Variants in NR3C2 observed in about 807,000 individuals in gnomAD.
The protein encoded by NR3C2 is nuclear receptor subfamily 3 group C member 2.
A neutral mutation model predicts 86.4 loss-of-function variants in NR3C2; 15 were observed. That is an observed-to-expected ratio of 0.17 (90% CI 0.12 to 0.27). The LOEUF (loss-of-function observed/expected upper bound fraction) is 0.27, where lower values mean the gene tolerates loss of function less well. Among genes scored for constraint, NR3C2 ranks in the 10% least tolerant of loss-of-function variants. The probability of loss-of-function intolerance (pLI) is 1.00; values close to 1 mark genes in which losing one functional copy is unlikely to be tolerated. For missense variants in NR3C2, 960 were observed against 1,195.6 expected (o/e 0.80, Z 2.91); for synonymous variants, 458 against 450.5 (o/e 1.02, Z -0.21).
At chr4:148,364,918 T>A (rs1746035207) in intron 2 of NR3C2, among the ~76,000 whole-genome samples, 1 of 151,952 alleles carries the variant, frequency 6.6e-6, no homozygotes, top group African/African-American at 2.4e-5. Context: ...ATACACCTTA[T>A]ACACAGAGCC....
intron 4 of NR3C2, among the ~76,000 whole-genome samples, chr4:148,160,741 A>G (rs1734619555): frequency 6.6e-6 from 1 of 152,156 alleles, no homozygotes; most frequent in Non-Finnish European, 1.5e-5. Flanking sequence ...CATAGGCCAA[A>G]TGTAATTACT....
chr4:148,278,239 C>G (rs72728461), intron 2 of NR3C2, among the ~76,000 whole-genome samples: 25,683 of 151,940 alleles, frequency 0.17, 2,387 homozygotes, highest in Admixed American at 0.21. Flanking sequence ...TCCCAAGTAT[C>G]TGGAACCACA....
chr4:148,107,151 A>T (rs920235250), intron 8 of NR3C2, among the ~76,000 whole-genome samples: 9 of 152,344 alleles, frequency 5.9e-5, no homozygotes, highest in African/African-American at 9.6e-5. Context: ...AAGGAACTTA[A>T]ACAAATTTAC....
chr4:148,354,423 C>T (rs1358436661), intron 2 of NR3C2, among the ~76,000 whole-genome samples: 1 of 151,958 alleles, frequency 6.6e-6, no homozygotes, highest in African/African-American at 2.4e-5. Flanking sequence ...TCTATGGTGC[C>T]GGGTTGTCAG....
intron 2 of NR3C2, among the ~76,000 whole-genome samples, chr4:148,394,422 A>G (rs1228343490): frequency 6.6e-6 from 1 of 151,960 alleles, no homozygotes; most frequent in Non-Finnish European, 1.5e-5. Flanking sequence ...ACTCATGCCT[A>G]TAATCCCAGG....
chr4:148,359,083 T>C (rs544461781), intron 2 of NR3C2, among the ~76,000 whole-genome samples: 1 of 152,158 alleles, frequency 6.6e-6, no homozygotes, highest in Non-Finnish European at 1.5e-5. Context: ...AACTGATCAT[T>C]GAAATGCTTC....
chr4:148,097,446 A>G (rs529172475), intron 8 of NR3C2, among the ~76,000 whole-genome samples: 10 of 152,342 alleles, frequency 6.6e-5, no homozygotes, highest in African/African-American at 2.2e-4. Context: ...CTGCCCCTGT[A>G]GGGTTGACAA....
At chr4:148,264,442 T>C (rs61760304) in intron 2 of NR3C2, among the ~76,000 whole-genome samples, 4,648 of 152,312 alleles carry the variant, frequency 0.031, 100 homozygotes, top group Middle Eastern at 0.051. Flanking sequence ...TGTTTAGTGA[T>C]TTGTATGTCA....
rs1477072380 is a variant in NR3C2 at position 148,138,419 on chromosome 4, T to G, written c.2510+14050A>C. 2.0e-5 allele frequency among the ~76,000 whole-genome samples: 3 copies of G among 152,332 alleles called. No homozygotes were observed. The East Asian group carries it at 5.8e-4, about 29-fold the overall frequency. On this transcript the variant is annotated intron_variant, in intron 6 of 8. Transcript: ENST00000358102. ...ATTTTTTTGAGACAGGGTCTTGCTC[T>G]GTTGCCCAGGCTGGAGTGCAGGTGC...
intron 2 of NR3C2, among the ~76,000 whole-genome samples, chr4:148,403,856 T>G (rs536955195): frequency 1.3e-5 from 2 of 152,116 alleles, no homozygotes; most frequent in Non-Finnish European, 2.9e-5. Context: ...TTCCCATTTA[T>G]GTACTTTCTA....
rs1242263662 is a variant in NR3C2, at chr4:148,363,526, C to T, written c.1757+71578G>A. ...GATCTCTTTTTTTTTTTTTTTGAGA[C>T]GGAGTGTCGCTCTTTGGCCCAGGCC... is the stretch of plus-strand genomic sequence containing the variant. On this transcript the variant is annotated intron_variant, in intron 2 of 8. Transcript: ENST00000358102. Among the ~76,000 whole-genome samples the T allele has an allele frequency of 7.2e-3, 14 of 1,950 alleles. 1 individual carries two copies. Among genetic ancestry groups the T allele is most frequent in the Non-Finnish European group, 0.028 (10 of 362 alleles). The allele number at this position is 1,950 out of a possible 152,430, so 1.3% of individuals were successfully genotyped here.
chr4:148,121,303 T>C (rs1732495663), intron 6 of NR3C2, among the ~76,000 whole-genome samples: 1 of 152,196 alleles, frequency 6.6e-6, no homozygotes. Flanking sequence ...GGCAGAAATC[T>C]CTTGCAACTC....
At chr4:148,109,389 A>C (rs1020092481) in intron 8 of NR3C2, among the ~76,000 whole-genome samples, 14 of 152,200 alleles carry the variant, frequency 9.2e-5, no homozygotes, top group African/African-American at 3.4e-4. Flanking sequence ...TATTTGTTGA[A>C]TGAGATGAAT....
intron 2 of NR3C2, among the ~76,000 whole-genome samples, chr4:148,378,001 A>C (rs948719319): frequency 2.0e-5 from 3 of 152,186 alleles, no homozygotes; most frequent in African/African-American, 7.2e-5. Flanking sequence ...GGCATGCCAG[A>C]TATACAGGGA....
chr4:148,358,399 C>G (rs1054395120), intron 2 of NR3C2, among the ~76,000 whole-genome samples: 2 of 145,358 alleles, frequency 1.4e-5, no homozygotes, highest in Middle Eastern at 7.8e-3. Context: ...CATATTCTCA[C>G]TCATAGGTGG....
chr4:148,099,708 GGATTT>G (rs979237727), intron 8 of NR3C2, among the ~76,000 whole-genome samples: 1 of 152,050 alleles, frequency 6.6e-6, no homozygotes, highest in Non-Finnish European at 1.5e-5. Flanking sequence ...GTAAGAAGAG[GGATTT>G]GAGCTGCATA....
At chr4:148,394,278 A>C (rs889440213) in intron 2 of NR3C2, among the ~76,000 whole-genome samples, 6 of 152,156 alleles carry the variant, frequency 3.9e-5, no homozygotes, top group Non-Finnish European at 8.8e-5. Flanking sequence ...CCAGCAAATA[A>C]ATAGATGTTG....
chr4:148,117,612 G>A (rs1184096407), intron 7 of NR3C2, among the ~76,000 whole-genome samples: 3 of 152,100 alleles, frequency 2.0e-5, no homozygotes, highest in African/African-American at 7.2e-5. Context: ...GATAATATAT[G>A]GAAAAACACT....
At chr4:148,305,051 A>AAGTT (rs1742545769) in intron 2 of NR3C2, among the ~76,000 whole-genome samples, 1 of 152,088 alleles carries the variant, frequency 6.6e-6, no homozygotes, top group Admixed American at 6.5e-5. Flanking sequence ...TCATCGCTTG[A>AAGTT]AGTTCTTAAG....
Sources: allele counts gnomAD v4.1 joint callset (sites outside exome capture counted in the v4.1 genomes callset), GRCh38; gene constraint gnomAD v4.1.1; transcripts MANE v1.5; gene names NCBI Gene and HGNC (gene_info 2026-07-23, HGNC 2026-07-21).